The following C2CD3 variants were observed in gnomAD, a reference collection of about 807,000 sequenced individuals.
C2CD3 encodes the protein C2 domain-containing protein 3.
Under a neutral mutation model 234.0 loss-of-function variants are expected in C2CD3, and 148 were observed. The ratio of observed to expected loss-of-function variants is 0.63; its 90% CI spans 0.55 to 0.72. C2CD3 has a LOEUF of 0.72. C2CD3 is among the 30% of genes least tolerant of loss of function. The probability of loss-of-function intolerance (pLI) is 0.00; values close to 1 mark genes in which losing one functional copy is unlikely to be tolerated. For synonymous variants in C2CD3, 1,000 were observed against 1,035.4 expected (o/e 0.97, Z 0.66); for missense variants, 2,577 against 2,811.5 (o/e 0.92, Z 1.89).
At chr11:74,072,928 A>C (rs573463263) in intron 24 of C2CD3, among the ~76,000 whole-genome samples, 68 of 152,342 alleles carry the variant, frequency 4.5e-4, no homozygotes, top group South Asian at 1.0e-3. Flanking sequence ...GCAAAGTGCC[A>C]GGGGAGCAAA....
At chr11:74,150,226 C>G (rs2135556068) in intron 3 of C2CD3, among the ~76,000 whole-genome samples, 1 of 151,344 alleles carries the variant, frequency 6.6e-6, no homozygotes, top group Non-Finnish European at 1.5e-5. Flanking sequence ...GCCTGTAATC[C>G]TAGCACTTTG....
chr11:74,021,222 C>T (rs1182381081), intron 32 of C2CD3, among the ~76,000 whole-genome samples: 1 of 151,962 alleles, frequency 6.6e-6, no homozygotes, highest in Non-Finnish European at 1.5e-5. Flanking sequence ...CCAGTCTGGG[C>T]AACAGAGGGA....
chr11:74,120,301 T>C (rs970855084), intron 8 of C2CD3, among the ~76,000 whole-genome samples: 1 of 152,036 alleles, frequency 6.6e-6, no homozygotes. Flanking sequence ...CTACAGGCCC[T>C]GGTGTGTGAT....
intron 3 of C2CD3, among the ~76,000 whole-genome samples, chr11:74,158,156 C>A (rs1013677874): frequency 1.3e-5 from 2 of 152,084 alleles, no homozygotes; most frequent in African/African-American, 4.8e-5. Context: ...CTCAAAAGCA[C>A]AAGCAACAAA....
chr11:74,128,534 TTTTATTTA>T (rs569604563), intron 7 of C2CD3: 37 of 152,610 alleles, frequency 2.4e-4, no homozygotes, highest in African/African-American at 5.5e-4. Flanking sequence ...GTTTGATACA[TTTTATTTA>T]TTTATTTATT....
At chr11:74,082,846 T>C (rs1955453390) in intron 22 of C2CD3, among the ~76,000 whole-genome samples, 1 of 152,124 alleles carries the variant, frequency 6.6e-6, no homozygotes. Context: ...GAATCAATAT[T>C]GTGAAAATGG....
chr11:74,078,417 T>C lies in C2CD3; in HGVS notation c.4301A>G (p.Tyr1434Cys). The C allele has an allele frequency of 6.2e-7, 1 of 1,614,118 alleles. No individual in the cohort carries two copies. The change falls in exon 23 of 33, where the codon TAT (tyrosine) becomes TGT (cysteine). Residue 1434 changes from tyrosine (Y) to cysteine (C), a missense_variant. Physicochemically the swap from Tyr to Cys is radical, Grantham distance 194. Transcript: ENST00000334126. ...AGHNHIHKNT[Y>C]CYLRYKFYDH... is the part of the protein sequence containing the mutation. ...ATAGAACTTGTAGCGAAGGTAGCAA[T>C]ATGTATTCTTATGAATGTGGTTGTG... is the stretch of plus-strand genomic sequence containing the variant.
intron 14 of C2CD3, among the ~76,000 whole-genome samples, chr11:74,102,303 A>G (rs929230171): frequency 1.3e-5 from 2 of 152,246 alleles, no homozygotes; most frequent in Non-Finnish European, 2.9e-5. Context: ...TCATTTACAC[A>G]TCTTTATTGA....
intron 3 of C2CD3, among the ~76,000 whole-genome samples, chr11:74,159,488 G>A (rs936112463): frequency 6.6e-6 from 1 of 151,992 alleles, no homozygotes; most frequent in African/African-American, 2.4e-5. Context: ...CTGACCCTGT[G>A]TAGGCTTAGG....
intron 26 of C2CD3, among the ~76,000 whole-genome samples, chr11:74,050,439 C>A (rs1953620846): frequency 6.6e-6 from 1 of 152,162 alleles, no homozygotes; most frequent in African/African-American, 2.4e-5. Flanking sequence ...CCTTCATTCT[C>A]ATATTCTTTG....
chr11:74,059,410 C>CAAAAAAAAAAA (rs57052333), intron 24 of C2CD3, among the ~76,000 whole-genome samples: 7 of 29,954 alleles, frequency 2.3e-4, no homozygotes, highest in South Asian at 1.4e-3. Context: ...GACTCTGTCT[C>CAAAAAAAAAAA]AAAAAAAAAA....
intron 21 of C2CD3, 70 bp from the exon 22 acceptor site, chr11:74,085,040 C>A (rs1955578504): frequency 3.7e-6 from 3 of 802,716 alleles, no homozygotes; most frequent in Non-Finnish European, 6.5e-6. Context: ...TACAGTATAT[C>A]CACACAACCC....
rs1386289278 is a variant in C2CD3 at position 74,078,409 on chromosome 11, G to C, written c.4309C>G (p.Leu1437Val). 6.8e-6 allele frequency: 11 copies of C among 1,614,196 alleles called. No homozygotes were observed. The East Asian group carries it at 1.3e-4, about 20-fold the overall frequency. Residue 1437 changes from leucine (L) to valine (V), a missense_variant, in exon 23 of 33, where the codon CTT (leucine) becomes GTT (valine). Transcript: ENST00000334126. ...TCATGATCATAGAACTTGTAGCGAA[G>C]GTAGCAATATGTATTCTTATGAATG... ...NHIHKNTYCY[L>V]RYKFYDHEAF...
chr11:74,085,955 A>C (rs1955626739), intron 20 of C2CD3, 69 bp from the exon 21 acceptor site: 16 of 1,441,030 alleles, frequency 1.1e-5, no homozygotes, highest in Non-Finnish European at 1.5e-5. Flanking sequence ...ATTTTCTAGA[A>C]AATAACTTCA....
At chr11:74,050,123 G>T (rs1056358917) in intron 26 of C2CD3, among the ~76,000 whole-genome samples, 23 of 152,170 alleles carry the variant, frequency 1.5e-4, no homozygotes, top group Admixed American at 6.5e-4. Flanking sequence ...CTAAATTTAA[G>T]AACTTATTTT....
At chr11:74,033,286 A>G in intron 31 of C2CD3, 65 bp downstream of exon 31, 1 of 1,389,962 alleles carries the variant, frequency 7.2e-7, no homozygotes, top group South Asian at 1.4e-5. Flanking sequence ...CCACTTGCTC[A>G]CACTCACACT....
chr11:74,100,413 G>T, intron 15 of C2CD3, 112 bp downstream of exon 15: 1 of 990,514 alleles, frequency 1.0e-6, no homozygotes. Context: ...ACTGGAAAAA[G>T]TCCTTCAAGG....
At chr11:74,026,175 G>A (rs1261666410) in intron 32 of C2CD3, among the ~76,000 whole-genome samples, 3 of 152,154 alleles carry the variant, frequency 2.0e-5, no homozygotes, top group Non-Finnish European at 2.9e-5. Context: ...GGTTGTGGTG[G>A]TGCACACCTG....
At position 74,033,729 on chromosome 11, in the gene C2CD3, T is replaced by C; in HGVS notation, c.6431A>G (p.Gln2144Arg). 2 of 1,536,432 alleles carry C rather than the reference T, an allele frequency of 1.3e-6. No individual in the cohort carries two copies. Reference sequence around the variant, plus strand: ...AACAAGACTTTGGCTAGGAGAACCCTGCCTAGGCAGGTGGGGGTTGACAGC... The same window carrying C: ...AACAAGACTTTGGCTAGGAGAACCCCGCCTAGGCAGGTGGGGGTTGACAGC... ...ERAVNPHLPR[Q>R]GSPSQSLVAC... is the part of the protein sequence containing the mutation. Residue 2144 changes from glutamine to arginine, a missense_variant, in exon 31 of 33, where the codon CAG (glutamine) becomes CGG (arginine). Coordinates refer to ENST00000334126, the MANE Select transcript of C2CD3 (RefSeq NM_001286577.2).
Sources: gnomAD v4.1 joint callset for allele counts (sites outside exome capture counted in the v4.1 genomes callset) on GRCh38, gnomAD v4.1.1 for gene constraint, MANE v1.5 for transcripts, NCBI Gene and HGNC (gene_info 2026-07-23, HGNC 2026-07-21) for gene names.